ABCA4: variants seen among roughly 807,000 people sequenced by gnomAD.
The protein encoded by ABCA4 is retinal-specific phospholipid-transporting ATPase ABCA4.
A neutral mutation model predicts 263.7 loss-of-function variants in ABCA4; 196 were observed. The ratio of observed to expected loss-of-function variants is 0.74; its 90% CI spans 0.66 to 0.84. The LOEUF (loss-of-function observed/expected upper bound fraction) is 0.84. ABCA4 is among the 40% of genes least tolerant of loss of function. ABCA4 has a pLI of 0.00. For missense variants in ABCA4, 2,792 were observed against 2,855.1 expected, an observed-to-expected ratio of 0.98 and a Z score of 0.50; for synonymous variants, 1,133 against 1,094.2, an observed-to-expected ratio of 1.04 and a Z score of -0.70.
chr1:94,105,325 C>T (rs1335279364), intron 4 of ABCA4, among the ~76,000 whole-genome samples: 1 of 152,168 alleles, frequency 6.6e-6, no homozygotes, highest in Non-Finnish European at 1.5e-5. Flanking sequence ...AAATATCTTG[C>T]TGGGGAGAAG....
At chr1:94,094,946 C>T (rs1459012906) in intron 6 of ABCA4, among the ~76,000 whole-genome samples, 1 of 152,122 alleles carries the variant, frequency 6.6e-6, no homozygotes, top group Non-Finnish European at 1.5e-5. Context: ...AAGCTGGGGG[C>T]GTTAAGCCTG....
chr1:94,024,640 G>C lies in ABCA4; in HGVS notation c.4634+314C>G, dbSNP rs544696279. 1.4e-3 allele frequency among the ~76,000 whole-genome samples: 210 copies of C among 151,922 alleles called. 2 individuals carry two copies. The highest frequency in any genetic ancestry group is 1.4e-3 in the Non-Finnish European group (92 of 67,996). On this transcript the variant is annotated intron_variant, in intron 31 of 49. Coordinates refer to ENST00000370225, the MANE Select transcript of ABCA4 (RefSeq NM_000350.3). ...TCTCTTTTAACTAGTTAAAATATGT[G>C]GCTGCATTTTTGAATAACTTCTATG...
intron 38 of ABCA4, among the ~76,000 whole-genome samples, chr1:94,013,808 A>T (rs1023364071): frequency 6.6e-6 from 1 of 152,206 alleles, no homozygotes; most frequent in Admixed American, 6.5e-5. Context: ...AAGGAATAGT[A>T]TATGTCAGAG....
intron 19 of ABCA4, among the ~76,000 whole-genome samples, chr1:94,046,665 A>C (rs1402900196): frequency 6.6e-6 from 1 of 152,090 alleles, no homozygotes; most frequent in Non-Finnish European, 1.5e-5. Flanking sequence ...GCTTCAGGAA[A>C]GTCACTTCAA....
chr1:94,087,896 G>A (rs1478166571), intron 6 of ABCA4, among the ~76,000 whole-genome samples: 2 of 152,190 alleles, frequency 1.3e-5, no homozygotes, highest in African/African-American at 2.4e-5. Context: ...GAGTCTCCCT[G>A]AGGCTTCGCC....
chr1:94,103,247 G>T, intron 4 of ABCA4, 105 bp from the exon 5 acceptor site: 1 of 1,451,202 alleles, frequency 6.9e-7, no homozygotes, highest in Non-Finnish European at 9.6e-7. Flanking sequence ...ACTCTCAGAG[G>T]AAGGTTCTGT....
intron 7 of ABCA4, among the ~76,000 whole-genome samples, chr1:94,081,413 A>C (rs1289564615): frequency 1.3e-5 from 2 of 152,168 alleles, no homozygotes; most frequent in Non-Finnish European, 2.9e-5. Context: ...ACTGGGGAGA[A>C]AAAGAGGGAA....
At position 94,031,049 on chromosome 1, in the gene ABCA4, G is replaced by A. The variant is rs61750132; in HGVS notation, c.4200C>T (p.Tyr1400=). The part of the protein sequence containing the change: ...LSIVIPPFGE[Y]PALTLHPWIY... ...TCCAGGGGTGAAGGGTCAAAGCGGG[G>A]TATTCGCCAAAAGGAGGGATAACAA... The change falls in exon 28 of 50, where the codon TAC becomes TAT. Residue 1400 remains tyrosine (Y), a synonymous_variant. Transcript: ENST00000370225. The A allele has an allele frequency of 1.2e-6, 2 of 1,614,160 alleles. No homozygotes were observed. Among genetic ancestry groups the A allele is most frequent in the African/African-American group, 1.3e-5 (1 of 75,036 alleles).
intron 6 of ABCA4, among the ~76,000 whole-genome samples, chr1:94,086,125 G>A (rs1239989377): frequency 6.6e-6 from 1 of 152,188 alleles, no homozygotes; most frequent in Admixed American, 6.5e-5. Context: ...CATGTGGTGG[G>A]CACTCAGTAT....
At position 94,010,941 on chromosome 1, in the gene ABCA4, C is replaced by T. The variant is rs373314451; in HGVS notation, c.5585-12G>A. The T allele has an allele frequency of 2.6e-5, 42 of 1,613,952 alleles. 1 individual carries two copies. Among genetic ancestry groups the T allele is most frequent in the Non-Finnish European group, 3.3e-5 (39 of 1,179,978 alleles). The stretch of plus-strand genomic sequence containing the variant: ...AGAGTGCTCCTCACCTGGGCATCAA[C>T]AGGAATTGAGTCCACTTCAGCCGCC... On this transcript the variant is annotated splice_polypyrimidine_tract_variant and intron_variant, in intron 39 of 49. Coordinates refer to ENST00000370225, the MANE Select transcript of ABCA4 (RefSeq NM_000350.3).
chr1:94,055,443 G>A (rs774417771), intron 15 of ABCA4, 128 bp from the exon 16 acceptor site: 9 of 861,112 alleles, frequency 1.0e-5, no homozygotes, highest in Non-Finnish European at 1.7e-5. Context: ...TGTAAGGTCA[G>A]CTCAGGAGGG....
At chr1:94,047,956 G>A (rs1438633661) in intron 18 of ABCA4, among the ~76,000 whole-genome samples, 1 of 152,222 alleles carries the variant, frequency 6.6e-6, no homozygotes, top group Non-Finnish European at 1.5e-5. Flanking sequence ...GGGGGAAAAA[G>A]TCCACTGTTT....
At chr1:94,110,525 C>A (rs1438370150) in intron 3 of ABCA4, among the ~76,000 whole-genome samples, 2 of 152,206 alleles carry the variant, frequency 1.3e-5, no homozygotes, top group African/African-American at 4.8e-5. Flanking sequence ...CCCCAACAGG[C>A]CTTTGCTGGT....
At chr1:93,996,010 G>T in intron 49 of ABCA4, 99 bp downstream of exon 49, 2 of 1,058,484 alleles carry the variant, frequency 1.9e-6, no homozygotes, top group Non-Finnish European at 2.9e-6. Context: ...TCTGTAGGAG[G>T]CATATCTGAG....
intron 19 of ABCA4, among the ~76,000 whole-genome samples, chr1:94,046,454 T>TCAAAAA (rs1660681970): frequency 1.1e-4 from 1 of 8,940 alleles, no homozygotes; most frequent in Non-Finnish European, 4.6e-4. Flanking sequence ...GGTTACTATC[T>TCAAAAA]CAAAAAAAAA....
chr1:94,075,662 G>A (rs114650655), intron 11 of ABCA4, among the ~76,000 whole-genome samples: 33 of 152,326 alleles, frequency 2.2e-4, no homozygotes, highest in African/African-American at 6.3e-4. Context: ...GCATGCTCCC[G>A]AGGGCCCTCG....
At chr1:94,039,102 G>A (rs1660420769) in intron 24 of ABCA4, among the ~76,000 whole-genome samples, 1 of 152,156 alleles carries the variant, frequency 6.6e-6, no homozygotes, top group African/African-American at 2.4e-5. Flanking sequence ...TCAGAGAGCA[G>A]GGAGATAGGT....
At chr1:94,104,179 C>T (rs1048307987) in intron 4 of ABCA4, among the ~76,000 whole-genome samples, 20 of 152,208 alleles carry the variant, frequency 1.3e-4, no homozygotes, top group South Asian at 2.1e-4. Flanking sequence ...TTGGCCTCAA[C>T]CCTGCTAGTG....
intron 6 of ABCA4, among the ~76,000 whole-genome samples, chr1:94,091,288 G>A (rs74104514): frequency 0.02 from 3,092 of 152,180 alleles, 116 homozygotes; most frequent in African/African-American, 0.07. Flanking sequence ...AGTGGGAATG[G>A]TAAATGATGA....
Sources: allele counts gnomAD v4.1 joint callset (sites outside exome capture counted in the v4.1 genomes callset), GRCh38; gene constraint gnomAD v4.1.1; transcripts MANE v1.5; gene names NCBI Gene and HGNC (gene_info 2026-07-23, HGNC 2026-07-21).